Variants in PTPRD observed in about 807,000 individuals in gnomAD.
The protein encoded by PTPRD is receptor-type tyrosine-protein phosphatase delta.
Under a neutral mutation model 214.5 loss-of-function variants are expected in PTPRD, and 34 were observed. The observed-to-expected ratio is 0.16, with a 90% CI of 0.12 to 0.21. The LOEUF is 0.21. PTPRD is among the 10% of genes least tolerant of loss of function. PTPRD has a pLI of 1.00. For synonymous variants in PTPRD, 1,128 were observed against 845.7 expected, an observed-to-expected ratio of 1.33 and a Z score of -5.79; for missense variants, 2,545 against 2,398.7, an observed-to-expected ratio of 1.06 and a Z score of -1.27.
intron 3 of PTPRD, among the ~76,000 whole-genome samples, chr9:10,170,515 G>A (rs1185139272): frequency 6.6e-6 from 1 of 151,948 alleles, no homozygotes; most frequent in Non-Finnish European, 1.5e-5. Context: ...GTGAAACCCC[G>A]TCTCTACTAA....
intron 5 of PTPRD, among the ~76,000 whole-genome samples, chr9:9,868,405 G>C (rs2064535408): frequency 6.6e-6 from 1 of 152,038 alleles, no homozygotes; most frequent in Non-Finnish European, 1.5e-5. Context: ...CACTGAAGAA[G>C]AACACAGTTC....
intron 14 of PTPRD, among the ~76,000 whole-genome samples, chr9:8,591,955 A>G (rs1228368203): frequency 6.6e-6 from 1 of 152,146 alleles, no homozygotes; most frequent in Non-Finnish European, 1.5e-5. Context: ...GAGAAAAAAT[A>G]AATTTGGGGC....
chr9:9,238,578 C>A (rs138479544), intron 9 of PTPRD, among the ~76,000 whole-genome samples: 1 of 152,066 alleles, frequency 6.6e-6, no homozygotes, highest in East Asian at 1.9e-4. Context: ...CTGGAGGACA[C>A]AGTTCAGGCA....
chr9:8,404,550 T>C lies in PTPRD; in HGVS notation c.4197A>G (p.Leu1399=), dbSNP rs1422228515. The C allele has an allele frequency of 1.2e-6, 2 of 1,612,512 alleles. No homozygotes were observed. The highest frequency in any genetic ancestry group is 1.7e-6 in the Non-Finnish European group (2 of 1,178,848). The change falls in exon 36 of 46, where the codon CTA becomes CTG. Residue 1399 remains leucine (L), a synonymous_variant. Transcript: ENST00000381196. ...VIAYDHSRVL[L]SAIEGIPGSD... The stretch of plus-strand genomic sequence containing the variant: ...GCATTTCCTTACCTTCTATAGCTGA[T>C]AGGAGAACCCGGGAATGATCATATG...
intron 11 of PTPRD, among the ~76,000 whole-genome samples, chr9:8,886,754 C>T (rs751816600): frequency 9.2e-5 from 14 of 152,096 alleles, no homozygotes; most frequent in South Asian, 8.3e-4. Context: ...AACTCTGCAC[C>T]GTGCAATAGT....
chr9:8,873,882 C>A (rs1190942609), intron 11 of PTPRD, among the ~76,000 whole-genome samples: 1 of 151,992 alleles, frequency 6.6e-6, no homozygotes, highest in African/African-American at 2.4e-5. Flanking sequence ...GACAGGCTGT[C>A]CCATGTGAAT....
chr9:10,494,095 G>A (rs13294936), intron 2 of PTPRD, among the ~76,000 whole-genome samples: 17,556 of 151,780 alleles, frequency 0.12, 1,357 homozygotes, highest in Non-Finnish European at 0.17. Flanking sequence ...CCATCAAGTC[G>A]ACATCTGTGA....
intron 4 of PTPRD, among the ~76,000 whole-genome samples, chr9:9,961,666 T>G (rs1258374120): frequency 3.3e-5 from 5 of 152,148 alleles, no homozygotes; most frequent in African/African-American, 9.7e-5. Flanking sequence ...GGAAGCAGGA[T>G]GCTGGCAACA....
chr9:8,781,853 C>A (rs908056754), intron 11 of PTPRD, among the ~76,000 whole-genome samples: 3 of 152,170 alleles, frequency 2.0e-5, no homozygotes, highest in African/African-American at 7.2e-5. Context: ...GTGAAAGGTC[C>A]TTCCATGTCA....
chr9:9,224,976 T>G (rs2099958499), intron 9 of PTPRD, among the ~76,000 whole-genome samples: 1 of 152,028 alleles, frequency 6.6e-6, no homozygotes, highest in African/African-American at 2.4e-5. Context: ...GTTACTTTGG[T>G]GAATACTAAC....
chr9:9,256,026 T>A (rs948702835), intron 9 of PTPRD, among the ~76,000 whole-genome samples: 1 of 152,020 alleles, frequency 6.6e-6, no homozygotes, highest in African/African-American at 2.4e-5. Flanking sequence ...GATAAAAGCA[T>A]AACTTTATTG....
intron 10 of PTPRD, among the ~76,000 whole-genome samples, chr9:9,075,503 C>A (rs1179558462): frequency 6.6e-6 from 1 of 152,092 alleles, no homozygotes; most frequent in Non-Finnish European, 1.5e-5. Flanking sequence ...TGTTGATGTG[C>A]TGCAACCATT....
intron 14 of PTPRD, among the ~76,000 whole-genome samples, chr9:8,568,597 G>C (rs2090144801): frequency 6.6e-6 from 1 of 152,126 alleles, no homozygotes; most frequent in South Asian, 2.1e-4. Context: ...AGGAGAGAAA[G>C]GTCAGGGCTA....
At chr9:9,345,291 C>T (rs1381493141) in intron 9 of PTPRD, among the ~76,000 whole-genome samples, 2 of 151,924 alleles carry the variant, frequency 1.3e-5, no homozygotes, top group Non-Finnish European at 2.9e-5. Context: ...ATTATCTAAT[C>T]CATTAGGGCA....
intron 9 of PTPRD, among the ~76,000 whole-genome samples, chr9:9,344,150 C>G (rs77352926): frequency 2.0e-5 from 3 of 152,168 alleles, no homozygotes; most frequent in South Asian, 2.1e-4. Flanking sequence ...AGAAAGTTAA[C>G]TCATCTTTTT....
chr9:10,385,216 T>C (rs2097893963), intron 2 of PTPRD, among the ~76,000 whole-genome samples: 2 of 151,812 alleles, frequency 1.3e-5, no homozygotes, highest in African/African-American at 2.4e-5. Flanking sequence ...TTAAAGCTCT[T>C]TGTGCCTCTG....
chr9:8,424,098 C>A (rs1184224848), intron 35 of PTPRD, among the ~76,000 whole-genome samples: 2 of 152,108 alleles, frequency 1.3e-5, no homozygotes, highest in African/African-American at 4.8e-5. Context: ...TCATTTAAAA[C>A]TAAGTCGTTT....
intron 10 of PTPRD, among the ~76,000 whole-genome samples, chr9:9,120,786 G>C (rs1468288909): frequency 6.6e-6 from 1 of 152,162 alleles, no homozygotes; most frequent in African/African-American, 2.4e-5. Flanking sequence ...GTCTAGGCCA[G>C]ATTTTCCAAG....
chr9:9,009,475 A>G (rs1220114347), intron 11 of PTPRD, among the ~76,000 whole-genome samples: 2 of 151,998 alleles, frequency 1.3e-5, no homozygotes, highest in African/African-American at 4.8e-5. Flanking sequence ...GGTTTGTTAC[A>G]TAGGTAAATG....
Sources: gnomAD v4.1 joint callset for allele counts (sites outside exome capture counted in the v4.1 genomes callset) on GRCh38, gnomAD v4.1.1 for gene constraint, MANE v1.5 for transcripts, NCBI Gene and HGNC (gene_info 2026-07-23, HGNC 2026-07-21) for gene names.